The following CDH22 variants were observed in gnomAD, a reference collection of about 807,000 sequenced individuals.
The protein encoded by CDH22 is cadherin 22, also known as cadherin-22.
In CDH22, 30 loss-of-function variants were observed where a neutral mutation model predicts 58.4. That is an observed-to-expected ratio of 0.51 (90% CI 0.38 to 0.70). The LOEUF is 0.70. Among genes scored for constraint, CDH22 ranks in the 30% least tolerant of loss-of-function variants. CDH22 has a pLI of 0.00. For synonymous variants in CDH22, 513 were observed against 558.2 expected (o/e 0.92, Z 1.14); for missense variants, 1,014 against 1,233.9 (o/e 0.82, Z 2.67).
intron 1 of CDH22, among the ~76,000 whole-genome samples, chr20:46,282,792 C>T (rs1025659393): frequency 2.6e-5 from 4 of 152,154 alleles, no homozygotes; most frequent in Admixed American, 6.5e-5. Context: ...CTCCCCCATA[C>T]CAGGTGCAGG....
intron 1 of CDH22, among the ~76,000 whole-genome samples, chr20:46,293,444 T>C (rs1214061984): frequency 1.3e-5 from 2 of 152,100 alleles, no homozygotes; most frequent in Non-Finnish European, 2.9e-5. Context: ...AGGGAACCTA[T>C]GTTTTTCATG....
intron 2 of CDH22, among the ~76,000 whole-genome samples, chr20:46,242,685 GGGAGA>G (rs1389106857): frequency 1.3e-5 from 2 of 152,164 alleles, no homozygotes; most frequent in East Asian, 3.9e-4. Flanking sequence ...GTTGGGGCGA[GGGAGA>G]GGAGAGGGAC....
intron 4 of CDH22, among the ~76,000 whole-genome samples, chr20:46,217,553 C>A (rs1459361023): frequency 6.6e-6 from 1 of 152,106 alleles, no homozygotes; most frequent in Non-Finnish European, 1.5e-5. Context: ...TCACATGCTG[C>A]CACTCATACA....
At position 46,174,426 on chromosome 20, in the gene CDH22, C is replaced by A; in HGVS notation, c.*80G>T. 9.7e-7 allele frequency: 1 copy of A among 1,030,324 alleles called. No homozygotes were observed. Among genetic ancestry groups the A allele is most frequent in the Non-Finnish European group, 1.3e-6 (1 of 754,270 alleles). 63.8% of individuals were successfully genotyped at this position (1,030,324 alleles called of 1,614,324 possible). ...TTGGGGGAGGGCAGGAAAGGGGGTC[C>A]GCGGGGGAAACGCGTTGTCCTGGGG... On this transcript the variant is annotated 3_prime_UTR_variant, in exon 12 of 12. Coordinates refer to ENST00000537909, the MANE Select transcript of CDH22 (RefSeq NM_021248.3). This position sits in a 1 kb window ranked among gnomAD's most constrained non-coding sequence, Gnocchi z 4.4.
Position 46,210,478 on chromosome 20 carries a change from A to G in CDH22, c.1115T>C (p.Leu372Pro). The G allele has an allele frequency of 1.4e-6, 2 of 1,433,240 alleles. No homozygotes were observed. Among genetic ancestry groups the G allele is most frequent in the Non-Finnish European group, 1.8e-6 (2 of 1,090,640 alleles). The allele number at this position is 1,433,240 out of a possible 1,614,324, so 88.8% of individuals were successfully genotyped here. Reference protein sequence around the residue: ...NKFVDPRFADLGTFRDQAIVR... With the variant: ...NKFVDPRFADPGTFRDQAIVR... ...GATCGCCTGGTCGCGGAACGTGCCC[A>G]GGTCGGCGAAGCGGGGGTCCACGAA... The change falls in exon 7 of 12, where the codon CTG becomes CCG. Residue 372 changes from leucine (L) to proline (P), a missense_variant. This residue lies in a region of CDH22 where 806 missense variants were observed against 1,038.7 expected (regional missense o/e 0.78). Coordinates refer to ENST00000537909, the MANE Select transcript of CDH22 (RefSeq NM_021248.3). This position sits in a 1 kb window ranked among gnomAD's most constrained non-coding sequence, Gnocchi z 4.5.
rs182947938 is a variant in CDH22, at chr20:46,188,169, T to C, written c.1424-1222A>G. ...GGAAAAATTGAGACTGCAGGAGGCT[T>C]GAATTCCAGGCGTGGCTGTGTCCCT... is the stretch of plus-strand genomic sequence containing the variant. On this transcript the variant is annotated intron_variant, in intron 8 of 11. Transcript: ENST00000537909. Among the ~76,000 whole-genome samples, 149 of 152,330 alleles carry C rather than the reference T, an allele frequency of 9.8e-4. No homozygotes were observed. In the East Asian group the frequency reaches 0.013, roughly 14 times the overall value.
chr20:46,288,279 C>G (rs907267973), intron 1 of CDH22, among the ~76,000 whole-genome samples: 2 of 152,084 alleles, frequency 1.3e-5, no homozygotes, highest in African/African-American at 4.8e-5. Flanking sequence ...TTTGGTCTCT[C>G]TCCCCTATGT....
At chr20:46,292,662 C>T (rs2086609472) in intron 1 of CDH22, among the ~76,000 whole-genome samples, 1 of 152,178 alleles carries the variant, frequency 6.6e-6, no homozygotes. Context: ...ATCTGCCATT[C>T]ACCTTCAAGC....
chr20:46,185,836 G>A (rs531087033), intron 10 of CDH22, among the ~76,000 whole-genome samples: 6 of 152,190 alleles, frequency 3.9e-5, no homozygotes, highest in Non-Finnish European at 7.3e-5. Context: ...CTGCACTGCT[G>A]CCTGGGTGAC....
chr20:46,257,598 G>A (rs1194955502), intron 1 of CDH22, among the ~76,000 whole-genome samples: 1 of 152,192 alleles, frequency 6.6e-6, no homozygotes, highest in Non-Finnish European at 1.5e-5. Context: ...AGATTTGGGG[G>A]GTGATCAGGA....
At chr20:46,198,315 CACACACACACACACACAT>C (rs2085924622) in intron 8 of CDH22, among the ~76,000 whole-genome samples, 2 of 151,200 alleles carry the variant, frequency 1.3e-5, no homozygotes, top group Non-Finnish European at 3.0e-5. Context: ...CACACACACA[CACACACACACACACACAT>C]ATTCTTCCAG....
At chr20:46,296,058 G>A (rs1164862796) in intron 1 of CDH22, among the ~76,000 whole-genome samples, 1 of 152,166 alleles carries the variant, frequency 6.6e-6, no homozygotes, top group African/African-American at 2.4e-5. Context: ...CCACCATGCC[G>A]GGCCTGTTGC....
intron 7 of CDH22, among the ~76,000 whole-genome samples, chr20:46,207,419 ATCC>A (rs1467787225): frequency 6.6e-6 from 1 of 152,118 alleles, no homozygotes; most frequent in Non-Finnish European, 1.5e-5. Flanking sequence ...AGCCTGCAGA[ATCC>A]TCCTCCCCTC....
At chr20:46,273,675 T>A (rs1386360755) in intron 1 of CDH22, among the ~76,000 whole-genome samples, 1 of 151,974 alleles carries the variant, frequency 6.6e-6, no homozygotes, top group East Asian at 1.9e-4. Flanking sequence ...GAAAGACCCA[T>A]GTAGAATGGG....
chr20:46,207,524 A>T (rs1462065018), intron 7 of CDH22, among the ~76,000 whole-genome samples: 10 of 152,176 alleles, frequency 6.6e-5, no homozygotes, highest in African/African-American at 2.4e-4. Flanking sequence ...TTGTTCAGAG[A>T]CTATGCCACC....
chr20:46,270,101 A>G (rs1382188874), intron 1 of CDH22, among the ~76,000 whole-genome samples: 1 of 152,190 alleles, frequency 6.6e-6, no homozygotes, highest in East Asian at 1.9e-4. Context: ...AGAGGGAAGA[A>G]GCTGAGCAAA....
At chr20:46,245,896 A>G (rs1422435343) in intron 2 of CDH22, among the ~76,000 whole-genome samples, 1 of 151,866 alleles carries the variant, frequency 6.6e-6, no homozygotes, top group Non-Finnish European at 1.5e-5. Context: ...GAGAGTCTAA[A>G]CCCCACCTAA....
At chr20:46,290,931 T>A (rs2086599067) in intron 1 of CDH22, among the ~76,000 whole-genome samples, 1 of 152,122 alleles carries the variant, frequency 6.6e-6, no homozygotes, top group African/African-American at 2.4e-5. Context: ...GGGCCTGGTG[T>A]CCAATGCACC....
In CDH22 at chr20:46,213,208, G is replaced by T; in HGVS notation, c.839-20C>A. The T allele has an allele frequency of 6.2e-7, 1 of 1,610,774 alleles. No individual in the cohort carries two copies. The highest frequency in any genetic ancestry group is 1.1e-5 in the South Asian group (1 of 90,942). On this transcript the variant is annotated intron_variant, in intron 5 of 11. Transcript: ENST00000537909. ...ACATCTCTGTGGGGGACACGGCCAT[G>T]AGCAGGGATGAAGGCAGCCCCTTCC...
Sources: gnomAD v4.1 joint callset for allele counts (sites outside exome capture counted in the v4.1 genomes callset) on GRCh38, gnomAD v4.1.1 for gene constraint, gnomAD v4.1.1 regional missense constraint, Gnocchi (gnomAD v3.1) non-coding constraint, MANE v1.5 for transcripts, NCBI Gene and HGNC (gene_info 2026-07-23, HGNC 2026-07-21) for gene names.